The following ZBTB10 variants were observed in gnomAD, a reference collection of about 807,000 sequenced individuals.
ZBTB10 encodes zinc finger and BTB domain containing 10.
A neutral mutation model predicts 76.4 loss-of-function variants in ZBTB10; 32 were observed. The observed-to-expected ratio is 0.42, with a 90% CI of 0.32 to 0.56. The LOEUF (loss-of-function observed/expected upper bound fraction) is 0.56. Among genes scored for constraint, ZBTB10 ranks in the 20% least tolerant of loss-of-function variants. The pLI is 0.14. For synonymous variants in ZBTB10, 523 were observed against 432.9 expected (o/e 1.21, Z -2.58); for missense variants, 1,057 against 1,098.5 (o/e 0.96, Z 0.53).
At chr8:80,488,157 A>G (rs956250545) in intron 1 of ZBTB10, among the ~76,000 whole-genome samples, 1 of 152,218 alleles carries the variant, frequency 6.6e-6, no homozygotes, top group African/African-American at 2.4e-5. Flanking sequence ...AAGCTGGTCT[A>G]TGCTCACAGA....
chr8:80,511,111 C>T (rs938157448), intron 2 of ZBTB10, among the ~76,000 whole-genome samples: 3 of 152,174 alleles, frequency 2.0e-5, no homozygotes, highest in Non-Finnish European at 2.9e-5. Context: ...GAAGAACTCA[C>T]CTGTTTTTGA....
At position 80,486,565 on chromosome 8, in the gene ZBTB10, G is replaced by C. The variant is rs1815460901; in HGVS notation, c.-246G>C. 1.0e-6 allele frequency: 1 copy of C among 986,286 alleles called. No individual in the cohort carries two copies. The highest frequency in any genetic ancestry group is 6.1e-5 in the Admixed American group (1 of 16,296). The allele number at this position is 986,286 out of a possible 1,614,324, so 61.1% of individuals were successfully genotyped here. A position where few individuals can be genotyped will look rare whatever the true frequency, so the allele number is the denominator to read the frequency against. On this transcript the variant is annotated 5_prime_UTR_variant, in exon 1 of 6. Transcript: ENST00000455036. ...ACGCTGCCCGGAGCGCGGCGGGGCG[G>C]GGGTGGAGGACGAGAGAGCGGTCGG...
In ZBTB10 at chr8:80,518,924, T is replaced by G. The variant is rs554019278; in HGVS notation, c.2280T>G (p.Thr760=). 2.6e-5 allele frequency: 41 copies of G among 1,604,886 alleles called. 4 individuals carry two copies. The South Asian group carries it at 4.6e-4, about 18-fold the overall frequency. Residue 760 remains threonine (T), a synonymous_variant, in exon 5 of 6, where the codon ACT becomes ACG. Coordinates refer to ENST00000455036, the MANE Select transcript of ZBTB10 (RefSeq NM_001105539.3). ...FSCDICGKLF[T]RREHVKRHSL... is the part of the protein sequence containing the mutation. ...GTGATATTTGTGGAAAACTGTTTACTCGAAGAGAACATGTAAAAAGACATT... is the reference window on the plus strand; with the variant it reads ...GTGATATTTGTGGAAAACTGTTTACGCGAAGAGAACATGTAAAAAGACATT...
rs1815477833 is a variant in ZBTB10, at chr8:80,486,891, G to A, written c.81G>A (p.Thr27=). ...GLVTASGGGS[T]NNNAGGEASA... The stretch of plus-strand genomic sequence containing the variant: ...TCACCGCTAGCGGCGGCGGCTCCAC[G>A]AACAATAACGCTGGCGGGGAGGCCT... The change falls in exon 1 of 6, where the codon ACG becomes ACA. Residue 27 remains threonine, a synonymous_variant. Transcript: ENST00000455036. The A allele has an allele frequency of 4.0e-6, 6 of 1,513,314 alleles. No homozygotes were observed. The highest frequency in any genetic ancestry group is 5.3e-6 in the Non-Finnish European group (6 of 1,133,368). 93.7% of individuals were successfully genotyped at this position (1,513,314 alleles called of 1,614,324 possible). A position where few individuals can be genotyped will look rare whatever the true frequency, so the allele number is the denominator to read the frequency against.
chr8:80,518,342 G>T, intron 3 of ZBTB10, 61 bp from the exon 4 acceptor site: 1 of 1,435,072 alleles, frequency 7.0e-7, no homozygotes, highest in Non-Finnish European at 9.3e-7. Flanking sequence ...TCTGTTTTCT[G>T]ACTCTGATGA....
At chr8:80,508,937 T>C (rs1056369288) in intron 2 of ZBTB10, among the ~76,000 whole-genome samples, 8 of 152,114 alleles carry the variant, frequency 5.3e-5, no homozygotes, top group African/African-American at 1.7e-4. Flanking sequence ...GCATTTTTCA[T>C]GGATTGGAGG....
At position 80,487,076 on chromosome 8, in the gene ZBTB10, A is replaced by C; in HGVS notation, c.266A>C (p.Glu89Ala). The C allele has an allele frequency of 6.6e-7, 1 of 1,515,962 alleles. No homozygotes were observed. Among genetic ancestry groups the C allele is most frequent in the Non-Finnish European group, 8.8e-7 (1 of 1,138,652 alleles). The allele number at this position is 1,515,962 out of a possible 1,614,324, so 93.9% of individuals were successfully genotyped here. Reference sequence around the variant, plus strand: ...GCCGGGCCGGCCGCCGGCGCCGCCGAGGAAGCCAAGGAGTTGCTGCTCCCC... The same window carrying C: ...GCCGGGCCGGCCGCCGGCGCCGCCGCGGAAGCCAAGGAGTTGCTGCTCCCC... ...ASAGPAAGAA[E>A]EAKELLLPQD... The change falls in exon 1 of 6, where the codon GAG becomes GCG. Residue 89 changes from glutamate (E) to alanine (A), a missense_variant. Coordinates refer to ENST00000455036, the MANE Select transcript of ZBTB10 (RefSeq NM_001105539.3).
chr8:80,502,275 G>A (rs1282399791), intron 2 of ZBTB10, among the ~76,000 whole-genome samples: 3 of 152,144 alleles, frequency 2.0e-5, no homozygotes, highest in Non-Finnish European at 4.4e-5. Context: ...TCACTCTGTT[G>A]CCCAGGCTGG....
At chr8:80,490,391 A>G (rs1366813011) in intron 1 of ZBTB10, among the ~76,000 whole-genome samples, 1 of 152,016 alleles carries the variant, frequency 6.6e-6, no homozygotes, top group Non-Finnish European at 1.5e-5. Flanking sequence ...GCGCGCCACC[A>G]TTCCTGGCTA....
chr8:80,485,999 C>A, upstream of ZBTB10: 1 of 1,151,040 alleles, frequency 8.7e-7, no homozygotes, highest in Non-Finnish European at 1.2e-6. Context: ...CCCAGCCCGC[C>A]GCCCGGCCTT....
rs1402945984 is a variant in ZBTB10, at chr8:80,487,059, GGCCGCCGGC to G, written c.257_265del (p.Gly86_Ala88del). On this transcript the variant is annotated inframe_deletion, in exon 1 of 6. Transcript: ENST00000455036. ...AAGACCTGGAGGCCTCCGCCGGGCC[GGCCGCCGGC>G]GCCGCCGAGGAAGCCAAGGAGTTGC... The G allele has an allele frequency of 6.6e-6, 10 of 1,515,600 alleles. No individual in the cohort carries two copies. The highest frequency in any genetic ancestry group is 8.8e-6 in the Non-Finnish European group (10 of 1,139,014). 93.9% of individuals were successfully genotyped at this position (1,515,600 alleles called of 1,614,324 possible). A position where few individuals can be genotyped will look rare whatever the true frequency, so the allele number is the denominator to read the frequency against.
At chr8:80,519,005 A>C (rs1816396011) in intron 5 of ZBTB10, 51 bp downstream of exon 5, 1 of 1,523,670 alleles carries the variant, frequency 6.6e-7, no homozygotes, top group African/African-American at 1.4e-5. Flanking sequence ...TATTTATGTC[A>C]GTGAAGTTTA....
At position 80,507,476 on chromosome 8, in the gene ZBTB10, A is replaced by G. The variant is rs1413250689; in HGVS notation, c.1862-6434A>G. Reference sequence around the variant, plus strand: ...AAATACAAAAAAAAATTAGCCAGGCATGGTGGCGGGCACATGTAGTCCCAG... The same window carrying G: ...AAATACAAAAAAAAATTAGCCAGGCGTGGTGGCGGGCACATGTAGTCCCAG... On this transcript the variant is annotated intron_variant, in intron 2 of 5. Transcript: ENST00000455036. Among the ~76,000 whole-genome samples, 5 of 151,318 alleles carry G rather than the reference A, an allele frequency of 3.3e-5. No individual in the cohort carries two copies. The East Asian group carries it at 7.9e-4, about 24-fold the overall frequency.
At chr8:80,518,738 G>C in intron 4 of ZBTB10, 44 bp from the exon 5 acceptor site, 1 of 1,546,986 alleles carries the variant, frequency 6.5e-7, no homozygotes. Flanking sequence ...CAAGTTTTCT[G>C]TTTAATGTGT....
In ZBTB10 at chr8:80,500,091, G is replaced by A. The variant is rs374209427; in HGVS notation, c.1570G>A (p.Asp524Asn). ...GATTGAAAATGATGGTTGTAATGTC[G>A]ACGAGGGCCAAATAGAAAACTACCA... ...VKIENDGCNV[D>N]EGQIENYQMN... is the part of the protein sequence containing the mutation. The change falls in exon 2 of 6, where the codon GAC becomes AAC. Residue 524 changes from aspartate (D) to asparagine (N), a missense_variant. Physicochemically the swap from Asp to Asn is conservative, Grantham distance 23. Coordinates refer to ENST00000455036, the MANE Select transcript of ZBTB10 (RefSeq NM_001105539.3). 38 of 1,613,750 alleles carry A rather than the reference G, an allele frequency of 2.4e-5. No homozygotes were observed. The highest frequency in any genetic ancestry group is 1.6e-4 in the Middle Eastern group (1 of 6,084).
At chr8:80,490,008 G>T (rs1417970674) in intron 1 of ZBTB10, among the ~76,000 whole-genome samples, 1 of 152,122 alleles carries the variant, frequency 6.6e-6, no homozygotes, top group African/African-American at 2.4e-5. Flanking sequence ...TGAGTAACAG[G>T]TTCCTGATCT....
intron 2 of ZBTB10, among the ~76,000 whole-genome samples, chr8:80,505,858 A>G (rs1021280538): frequency 6.6e-6 from 1 of 151,556 alleles, no homozygotes; most frequent in Admixed American, 6.6e-5. Context: ...CTCTCCCGCA[A>G]TCAGCCACAC....
chr8:80,490,497 C>A (rs945111852), intron 1 of ZBTB10, among the ~76,000 whole-genome samples: 5 of 152,120 alleles, frequency 3.3e-5, no homozygotes, highest in Non-Finnish European at 5.9e-5. Context: ...TTGACCTCCC[C>A]AAAATGCTGG....
chr8:80,490,140 T>A (rs1217835529), intron 1 of ZBTB10, among the ~76,000 whole-genome samples: 37 of 152,244 alleles, frequency 2.4e-4, no homozygotes. Context: ...CAGAGGACTT[T>A]GCTCTTAAAT....
Sources: gnomAD v4.1 joint callset for allele counts (sites outside exome capture counted in the v4.1 genomes callset) on GRCh38, gnomAD v4.1.1 for gene constraint, MANE v1.5 for transcripts, NCBI Gene and HGNC (gene_info 2026-07-23, HGNC 2026-07-21) for gene names.